Variants in DMAP1 observed in about 807,000 individuals in gnomAD.
DMAP1 encodes the protein DNA methyltransferase 1-associated protein 1.
In DMAP1, 26 loss-of-function variants were observed where a neutral mutation model predicts 52.7. That is an observed-to-expected ratio of 0.49 (90% CI 0.36 to 0.68). The LOEUF (loss-of-function observed/expected upper bound fraction) is 0.68. Among genes scored for constraint, DMAP1 ranks in the 30% least tolerant of loss-of-function variants. The pLI, the probability that DMAP1 is intolerant of heterozygous loss-of-function variation, is 0.00. For synonymous variants in DMAP1, 231 were observed against 246.0 expected, an observed-to-expected ratio of 0.94 and a Z score of 0.57; for missense variants, 439 against 625.2, an observed-to-expected ratio of 0.70 and a Z score of 3.18.
chr1:44,213,958 G>A lies in DMAP1; in HGVS notation c.105+100G>A. ...GGGATGGGTGCTACACTTACAGTGA[G>A]TTGGGCGATAAAAGGGGTGACATAA... On this transcript the variant is annotated intron_variant, in intron 1 of 9. Coordinates refer to ENST00000372289, the MANE Select transcript of DMAP1 (RefSeq NM_019100.5). This position sits in a 1 kb window ranked among gnomAD's most constrained non-coding sequence, Gnocchi z 4.5. 3 of 1,100,640 alleles carry A rather than the reference G, an allele frequency of 2.7e-6. No homozygotes were observed. The highest frequency in any genetic ancestry group is 4.0e-6 in the Non-Finnish European group (3 of 751,404). 68.2% of individuals were successfully genotyped at this position (1,100,640 alleles called of 1,614,324 possible).
intron 7 of DMAP1, 78 bp from the exon 8 acceptor site, chr1:44,219,728 T>C (rs1254528807): frequency 1.9e-6 from 3 of 1,545,628 alleles, no homozygotes; most frequent in East Asian, 2.3e-5. Flanking sequence ...TTCCACCATC[T>C]TTCCCTCTGC....
rs1643875370 is a variant in DMAP1 at position 44,220,014 on chromosome 1, C to T, written c.1052-3C>T. 1.3e-6 allele frequency: 2 copies of T among 1,598,822 alleles called. No homozygotes were observed. The highest frequency in any genetic ancestry group is 1.7e-6 in the Non-Finnish European group (2 of 1,169,490). ...GCCCGTGCTGCCTGCCGCCTGCCTG[C>T]AGAGCTGAGCCCGACACCTACGGAG... is the stretch of plus-strand genomic sequence containing the variant. On this transcript the variant is annotated splice_region_variant and splice_polypyrimidine_tract_variant and intron_variant, in intron 8 of 9. Transcript: ENST00000372289.
chr1:44,214,315 A>G, intron 1 of DMAP1, 35 bp from the exon 2 acceptor site: 1 of 1,593,262 alleles, frequency 6.3e-7, no homozygotes, highest in Non-Finnish European at 8.6e-7. Flanking sequence ...GAAAGGGTCT[A>G]GGTTGTGGTT....
At chr1:44,219,303 C>T (rs1643859651) in intron 6 of DMAP1, 62 bp downstream of exon 6, 8 of 1,577,846 alleles carry the variant, frequency 5.1e-6, no homozygotes, top group East Asian at 4.5e-5. Context: ...GGCCTCACCC[C>T]GAGTGGAGGG....
rs1258216523 is a variant in DMAP1 at position 44,218,282 on chromosome 1, G to A, written c.394-29G>A. 3 of 1,614,114 alleles carry A rather than the reference G, an allele frequency of 1.9e-6. No individual in the cohort carries two copies. Among genetic ancestry groups the A allele is most frequent in the Non-Finnish European group, 2.5e-6 (3 of 1,180,038 alleles). ...GCTGGACATGACATCATGCGGGCATGCCCCTACTGTGTCCCTCTGTGCTAG... is the reference window on the plus strand; with the variant it reads ...GCTGGACATGACATCATGCGGGCATACCCCTACTGTGTCCCTCTGTGCTAG... On this transcript the variant is annotated intron_variant, in intron 3 of 9. Transcript: ENST00000372289. This position sits in a 1 kb window ranked among gnomAD's most constrained non-coding sequence, Gnocchi z 5.6.
chr1:44,219,780 G>T, intron 7 of DMAP1, 26 bp from the exon 8 acceptor site: 1 of 1,613,418 alleles, frequency 6.2e-7, no homozygotes, highest in Non-Finnish European at 8.5e-7. Context: ...GCTGGGACAG[G>T]CTTAGCTTGC....
In DMAP1 at chr1:44,219,197, G is replaced by A. The variant is rs1031879757; in HGVS notation, c.862G>A (p.Ala288Thr). The A allele has an allele frequency of 1.2e-6, 2 of 1,613,698 alleles. No homozygotes were observed. The highest frequency in any genetic ancestry group is 2.2e-5 in the South Asian group (2 of 91,070). The part of the protein sequence containing the change: ...TAEQRRTERK[A>T]PKKKLPQKKE... ...AGAGCAGCGGCGCACGGAACGCAAG[G>A]CCCCCAAAAAGAAGCTACCCCAGAA... The change falls in exon 6 of 10, where the codon GCC becomes ACC. Residue 288 changes from alanine (A) to threonine (T), a missense_variant. Ala to Thr is a moderately conservative substitution (Grantham distance 58). Coordinates refer to ENST00000372289, the MANE Select transcript of DMAP1 (RefSeq NM_019100.5).
intron 3 of DMAP1, chr1:44,217,181 G>A (rs1643811770): frequency 6.6e-6 from 1 of 152,214 alleles, no homozygotes; most frequent in Non-Finnish European, 1.5e-5. Context: ...TGTTACGTAA[G>A]TTTTTCAGTG....
chr1:44,213,678 G>C lies in DMAP1; in HGVS notation c.-76G>C. On this transcript the variant is annotated 5_prime_UTR_variant, in exon 1 of 10. Transcript: ENST00000372289. The surrounding 1 kb of genome is among the most constrained non-coding windows in gnomAD (Gnocchi z 4.5). ...CTCCGCTTAGGTCTGGATTGGCCCCGCCCCCTGACCTGAGCCTGGTCCTTC... is the reference window on the plus strand; with the variant it reads ...CTCCGCTTAGGTCTGGATTGGCCCCCCCCCCTGACCTGAGCCTGGTCCTTC... 7.2e-7 allele frequency: 1 copy of C among 1,397,002 alleles called. No homozygotes were observed. Among genetic ancestry groups the C allele is most frequent in the Non-Finnish European group, 9.9e-7 (1 of 1,012,128 alleles). The allele number at this position is 1,397,002 out of a possible 1,614,324, so 86.5% of individuals were successfully genotyped here.
rs1274553757 is a variant in DMAP1, at chr1:44,213,700, C to G, written c.-54C>G. ...CCCGCCCCCTGACCTGAGCCTGGTC[C>G]TTCTTCAGGCACTGACCCTTGACCT... On this transcript the variant is annotated 5_prime_UTR_variant, in exon 1 of 10. Coordinates refer to ENST00000372289, the MANE Select transcript of DMAP1 (RefSeq NM_019100.5). The surrounding 1 kb of genome is among the most constrained non-coding windows in gnomAD (Gnocchi z 4.5). The G allele has an allele frequency of 6.6e-7, 1 of 1,519,378 alleles. No homozygotes were observed. 94.1% of individuals were successfully genotyped at this position (1,519,378 alleles called of 1,614,324 possible).
At chr1:44,220,367 A>G (rs563186352) in intron 9 of DMAP1, 58 bp downstream of exon 9, 2 of 1,519,808 alleles carry the variant, frequency 1.3e-6, no homozygotes, top group African/African-American at 1.4e-5. Flanking sequence ...GCACATGCAC[A>G]TGGGTGTAGG....
chr1:44,219,182 C>T lies in DMAP1; in HGVS notation c.847C>T (p.Arg283Cys), dbSNP rs759108052. The T allele has an allele frequency of 1.9e-6, 3 of 1,614,118 alleles. No individual in the cohort carries two copies. Among genetic ancestry groups the T allele is most frequent in the Non-Finnish European group, 2.5e-6 (3 of 1,180,036 alleles). The change falls in exon 6 of 10, where the codon CGC becomes TGC. Residue 283 changes from arginine (R) to cysteine (C), a missense_variant. By Grantham distance (180) the Arg-to-Cys change is radical. Transcript: ENST00000372289. Reference sequence around the variant, plus strand: ...GGCAGACACCACTGCAGAGCAGCGGCGCACGGAACGCAAGGCCCCCAAAAA... The same window carrying T: ...GGCAGACACCACTGCAGAGCAGCGGTGCACGGAACGCAAGGCCCCCAAAAA... ...TAADTTAEQRRTERKAPKKKL... is the reference protein window; with the variant it reads ...TAADTTAEQRCTERKAPKKKL...
chr1:44,219,597 T>G lies in DMAP1; in HGVS notation c.978+120T>G, dbSNP rs1643868508. 2.5e-6 allele frequency: 3 copies of G among 1,218,936 alleles called. No homozygotes were observed. The African/African-American group carries it at 4.6e-5, about 19-fold the overall frequency. The allele number at this position is 1,218,936 out of a possible 1,614,324, so 75.5% of individuals were successfully genotyped here. A position where few individuals can be genotyped will look rare whatever the true frequency, so the allele number is the denominator to read the frequency against. ...TAGGAGAGATTGCTGCAGACAGAGG[T>G]GGCCTTGGCAGGATCTCAGTGATGT... On this transcript the variant is annotated intron_variant, in intron 7 of 9. Coordinates refer to ENST00000372289, the MANE Select transcript of DMAP1 (RefSeq NM_019100.5).
In DMAP1 at chr1:44,213,864, A is replaced by T. The variant is rs1292161466; in HGVS notation, c.105+6A>T. 6.3e-7 allele frequency: 1 copy of T among 1,575,460 alleles called. No individual in the cohort carries two copies. The highest frequency in any genetic ancestry group is 1.8e-5 in the Admixed American group (1 of 54,362). On this transcript the variant is annotated splice_donor_region_variant and intron_variant, in intron 1 of 9. Coordinates refer to ENST00000372289, the MANE Select transcript of DMAP1 (RefSeq NM_019100.5). This position sits in a 1 kb window ranked among gnomAD's most constrained non-coding sequence, Gnocchi z 4.5. Reference sequence around the variant, plus strand: ...ACATTATCAACCCGGACAAGGTAGCAGGGGCACCTGAAAGCGTTGACTAGG... The same window carrying T: ...ACATTATCAACCCGGACAAGGTAGCTGGGGCACCTGAAAGCGTTGACTAGG...
chr1:44,214,467 C>G (rs181586400), intron 2 of DMAP1, 26 bp downstream of exon 2: 155 of 1,613,732 alleles, frequency 9.6e-5, no homozygotes, highest in Non-Finnish European at 1.2e-4. Flanking sequence ...CCAAGTCCCC[C>G]AGGTTTTGGC....
In DMAP1 at chr1:44,218,161, A is replaced by G; in HGVS notation, c.394-150A>G. The G allele has an allele frequency of 9.6e-7, 1 of 1,039,690 alleles. No individual in the cohort carries two copies. 64.4% of individuals were successfully genotyped at this position (1,039,690 alleles called of 1,614,324 possible). ...CAAACCCTGCTAGGACCTCTAGTCA[A>G]GCAGACAAGTTCTTTCCTCACTCCA... is the stretch of plus-strand genomic sequence containing the variant. On this transcript the variant is annotated intron_variant, in intron 3 of 9. Transcript: ENST00000372289. The surrounding 1 kb of genome is among the most constrained non-coding windows in gnomAD (Gnocchi z 5.6).
rs1215213748 is a variant in DMAP1 at position 44,218,538 on chromosome 1, C to T, written c.553-50C>T. The T allele has an allele frequency of 5.0e-6, 8 of 1,608,104 alleles. No individual in the cohort carries two copies. The Admixed American group carries it at 1.3e-4, about 27-fold the overall frequency. On this transcript the variant is annotated intron_variant, in intron 4 of 9. Transcript: ENST00000372289. This position sits in a 1 kb window ranked among gnomAD's most constrained non-coding sequence, Gnocchi z 5.6. ...AGCAGGCCCTACTTTTATGCCATCT[C>T]TTCCACATGCCCCTGAATGTTCATT...
chr1:44,214,992 G>C, intron 3 of DMAP1, 94 bp downstream of exon 3: 2 of 1,405,340 alleles, frequency 1.4e-6, no homozygotes, highest in Non-Finnish European at 2.0e-6. Flanking sequence ...GGTTCTGGGG[G>C]CACGCTTATG....
In DMAP1 at chr1:44,219,395, T is replaced by C. The variant is rs1292487165; in HGVS notation, c.907-11T>C. The C allele has an allele frequency of 6.4e-7, 1 of 1,571,832 alleles. No individual in the cohort carries two copies. Among genetic ancestry groups the C allele is most frequent in the East Asian group, 2.2e-5 (1 of 44,774 alleles). ...GTGACACCTTGGTCTCCATAATGCC[T>C]TCTCCCCCAGGCTGTTCCTGAGACT... On this transcript the variant is annotated splice_polypyrimidine_tract_variant and intron_variant, in intron 6 of 9. Transcript: ENST00000372289.
Sources: allele counts gnomAD v4.1 joint callset, GRCh38; gene constraint gnomAD v4.1.1; non-coding constraint Gnocchi (gnomAD v3.1); transcripts MANE v1.5; gene names NCBI Gene and HGNC (gene_info 2026-07-23, HGNC 2026-07-21).